PFDN5: variants seen among roughly 807,000 people sequenced by gnomAD.
The protein encoded by PFDN5 is prefoldin subunit 5.
In PFDN5, 13 loss-of-function variants were observed where a neutral mutation model predicts 21.5. That is an observed-to-expected ratio of 0.60 (90% CI 0.39 to 0.96). The LOEUF (loss-of-function observed/expected upper bound fraction) is 0.96, where lower values mean the gene tolerates loss of function less well. Among genes scored for constraint, PFDN5 ranks in the 40% least tolerant of loss-of-function variants. PFDN5 has a pLI of 0.00. For missense variants in PFDN5, 188 were observed against 186.2 expected (o/e 1.01, Z -0.06); for synonymous variants, 84 against 68.9 (o/e 1.22, Z -1.08).
chr12:53,298,486 A>C (rs550786867), intron 5 of PFDN5: 3 of 203,282 alleles, frequency 1.5e-5, no homozygotes, highest in Non-Finnish European at 3.1e-5. Context: ...AGAATCACTC[A>C]GGAAGTTTAA....
chr12:53,295,855 C>A lies in PFDN5; in HGVS notation c.89C>A (p.Ser30Tyr). 1.2e-6 allele frequency: 2 copies of A among 1,601,316 alleles called. No homozygotes were observed. The highest frequency in any genetic ancestry group is 1.7e-6 in the Non-Finnish European group (2 of 1,168,368). Residue 30 changes from serine to tyrosine, a missense_variant, in exon 2 of 6, where the codon TCC becomes TAC. Ser to Tyr is a moderately radical substitution (Grantham distance 144, BLOSUM62 -2). Transcript: ENST00000334478. ...NQLDQEVEFLSTSIAQLKVVQ... is the reference protein window; with the variant it reads ...NQLDQEVEFLYTSIAQLKVVQ... ...CCTCTGTAGGAAGTGGAGTTCTTGT[C>A]CACGTCCATTGCTCAGCTCAAAGTG...
At chr12:53,296,457 G>A (rs1174798377) in intron 3 of PFDN5, 182 bp downstream of exon 3, 3 of 683,908 alleles carry the variant, frequency 4.4e-6, no homozygotes, top group Non-Finnish European at 7.9e-6. Flanking sequence ...CGCCCAGGCT[G>A]GAGCGCAATG....
intron 3 of PFDN5, 52 bp downstream of exon 3, chr12:53,296,327 C>G (rs1338725482): frequency 6.9e-7 from 1 of 1,457,020 alleles, no homozygotes; most frequent in Non-Finnish European, 9.6e-7. Context: ...TTCTCCTTCA[C>G]TCCCCCAAAA....
Position 53,295,957 on chromosome 12 carries a change from G to A in PFDN5, c.175+16G>A, listed in dbSNP as rs942999640. ...AGCAACGAGGGTATGGGGTAGGCGG[G>A]TGAGGGTAACCTAAAGTGGCGAACC... On this transcript the variant is annotated intron_variant, in intron 2 of 5. Coordinates refer to ENST00000334478, the MANE Select transcript of PFDN5 (RefSeq NM_002624.4). 2.0e-6 allele frequency: 3 copies of A among 1,526,130 alleles called. No individual in the cohort carries two copies. Among genetic ancestry groups the A allele is most frequent in the Non-Finnish European group, 1.8e-6 (2 of 1,100,944 alleles). 94.5% of individuals were successfully genotyped at this position (1,526,130 alleles called of 1,614,324 possible).
chr12:53,297,257 T>C (rs2694859), intron 3 of PFDN5: 146,101 of 153,798 alleles, frequency 0.95, 69,865 homozygotes, highest in East Asian at 1. Flanking sequence ...GGTGAAACCC[T>C]GTCTTTACTA....
rs1449567699 is a variant in PFDN5 at position 53,298,083 on chromosome 12, A to G, written c.321A>G (p.Ile107Met). 2 of 1,613,794 alleles carry G rather than the reference A, an allele frequency of 1.2e-6. No individual in the cohort carries two copies. The highest frequency in any genetic ancestry group is 2.2e-5 in the South Asian group (2 of 91,072). The part of the protein sequence containing the change: ...EDAKDFFKRK[I>M]DFLTKQMEKI... ...CCAAGGACTTCTTCAAGAGGAAGAT[A>G]GATTTTCTAACCAAGCAGATGGAGA... Residue 107 changes from isoleucine (I) to methionine (M), a missense_variant, in exon 5 of 6, where the codon ATA becomes ATG. Transcript: ENST00000334478.
At position 53,295,889 on chromosome 12, in the gene PFDN5, C is replaced by T. The variant is rs1490595652; in HGVS notation, c.123C>T (p.Thr41=). 2 of 1,612,052 alleles carry T rather than the reference C, an allele frequency of 1.2e-6. No homozygotes were observed. The highest frequency in any genetic ancestry group is 1.7e-6 in the Non-Finnish European group (2 of 1,178,184). ...TTGCTCAGCTCAAAGTGGTACAGAC[C>T]AAGTATGTGGAAGCCAAGGACTGTC... ...TSIAQLKVVQ[T]KYVEAKDCLN... is the part of the protein sequence containing the mutation. The change falls in exon 2 of 6, where the codon ACC becomes ACT. Residue 41 remains threonine (T), a synonymous_variant. Coordinates refer to ENST00000334478, the MANE Select transcript of PFDN5 (RefSeq NM_002624.4).
chr12:53,295,786 G>A (rs779667548), intron 1 of PFDN5, 53 bp from the exon 2 acceptor site: 397 of 1,303,944 alleles, frequency 3.0e-4, no homozygotes, highest in Non-Finnish European at 4.2e-4. Flanking sequence ...CCCCGGCCGC[G>A]CTCCTTTCTC....
intron 2 of PFDN5, 146 bp from the exon 3 acceptor site, chr12:53,296,098 G>A (rs1944146584): frequency 1.3e-6 from 1 of 799,902 alleles, no homozygotes; most frequent in South Asian, 1.5e-5. Flanking sequence ...GAATTGAAAA[G>A]TACAGGACAT....
chr12:53,295,777 C>A (rs1944142321), intron 1 of PFDN5, 62 bp from the exon 2 acceptor site: 3 of 1,271,616 alleles, frequency 2.4e-6, no homozygotes, highest in African/African-American at 1.5e-5. Flanking sequence ...CTGCCCCCTC[C>A]CCGGCCGCGC....
chr12:53,298,437 C>T (rs1468715327), intron 5 of PFDN5: 4 of 304,688 alleles, frequency 1.3e-5, no homozygotes, highest in Non-Finnish European at 2.6e-5. Context: ...ATGATCCAAA[C>T]GAACTAAATA....
At position 53,295,602 on chromosome 12, in the gene PFDN5, T is replaced by A; in HGVS notation, c.35T>A (p.Leu12Gln). 2 of 1,613,992 alleles carry A rather than the reference T, an allele frequency of 1.2e-6. No individual in the cohort carries two copies. The highest frequency in any genetic ancestry group is 1.7e-6 in the Non-Finnish European group (2 of 1,179,930). The change falls in exon 1 of 6, where the codon CTG (leucine) becomes CAG (glutamine). Residue 12 changes from leucine (L) to glutamine (Q), a missense_variant. Coordinates refer to ENST00000334478, the MANE Select transcript of PFDN5 (RefSeq NM_002624.4). ...TCTATTAACATCACGGAGCTGAATCTGCCGCAGCTAGAAATGCTCAAGAAC... is the reference window on the plus strand; with the variant it reads ...TCTATTAACATCACGGAGCTGAATCAGCCGCAGCTAGAAATGCTCAAGAAC... ...AQSINITELN[L>Q]PQLEMLKNQL... is the part of the protein sequence containing the mutation.
In PFDN5 at chr12:53,297,839, T is replaced by C. The variant is rs761428405; in HGVS notation, c.208-11T>C. On this transcript the variant is annotated splice_polypyrimidine_tract_variant and intron_variant, in intron 3 of 5. Transcript: ENST00000334478. ...GGCTGGCTAGTTTTTCCCTTAATTC[T>C]TGCTTCTCAGATGTATGTCCCTGGG... is the stretch of plus-strand genomic sequence containing the variant. 3 of 1,605,710 alleles carry C rather than the reference T, an allele frequency of 1.9e-6. No individual in the cohort carries two copies. The highest frequency in any genetic ancestry group is 2.6e-6 in the Non-Finnish European group (3 of 1,173,846).
intron 3 of PFDN5, 57 bp from the exon 4 acceptor site, chr12:53,297,793 G>A (rs1037552874): frequency 1.5e-6 from 2 of 1,319,050 alleles, no homozygotes; most frequent in Non-Finnish European, 2.2e-6. Flanking sequence ...AGGCTGGCTG[G>A]CGGAATCATG....
At chr12:53,296,563 C>A in intron 3 of PFDN5, 1 of 502,502 alleles carries the variant, frequency 2.0e-6, no homozygotes, top group Non-Finnish European at 3.6e-6. Context: ...TACGCGCCAC[C>A]ACGACCGGCT....
intron 3 of PFDN5, 132 bp from the exon 4 acceptor site, chr12:53,297,718 C>T (rs747998267): frequency 2.9e-6 from 2 of 694,454 alleles, no homozygotes; most frequent in Non-Finnish European, 5.3e-6. Context: ...GTTCTAAGGC[C>T]TCCAGATTAT....
At chr12:53,296,075 T>C (rs1171223656) in intron 2 of PFDN5, 134 bp downstream of exon 2, 27 of 779,216 alleles carry the variant, frequency 3.5e-5, no homozygotes, top group Non-Finnish European at 5.6e-5. Context: ...ACCCTTTGCA[T>C]GTTGCCTGCC....
chr12:53,296,389 G>A, intron 3 of PFDN5, 114 bp downstream of exon 3: 1 of 786,916 alleles, frequency 1.3e-6, no homozygotes, highest in Non-Finnish European at 2.1e-6. Flanking sequence ...TCCTCACAAT[G>A]ATTTTGAGGA....
At chr12:53,298,258 G>C in intron 5 of PFDN5, 108 bp downstream of exon 5, 1 of 726,396 alleles carries the variant, frequency 1.4e-6, no homozygotes, top group Admixed American at 2.0e-5. Context: ...CTATGTCTTA[G>C]TTTCTCTTTG....
Sources: allele counts gnomAD v4.1 joint callset, GRCh38; gene constraint gnomAD v4.1.1; transcripts MANE v1.5; gene names NCBI Gene and HGNC (gene_info 2026-07-23, HGNC 2026-07-21).